Variants in SH3D19 observed in about 807,000 individuals in gnomAD.
SH3D19 encodes SH3 domain-containing protein 19.
SH3D19 carries 58 observed loss-of-function variants against 112.1 expected under a neutral mutation model. The ratio of observed to expected loss-of-function variants is 0.52; its 90% CI spans 0.42 to 0.64. The LOEUF (loss-of-function observed/expected upper bound fraction) is 0.64, where lower values mean the gene tolerates loss of function less well. SH3D19 is among the 30% of genes least tolerant of loss of function. The pLI, the probability that SH3D19 is intolerant of heterozygous loss-of-function variation, is 0.00. For missense variants in SH3D19, 1,090 were observed against 1,263.4 expected, an observed-to-expected ratio of 0.86 and a Z score of 2.08; for synonymous variants, 391 against 448.5, an observed-to-expected ratio of 0.87 and a Z score of 1.62.
At chr4:151,230,225 A>G (rs1769504974) in intron 1 of SH3D19, among the ~76,000 whole-genome samples, 1 of 152,214 alleles carries the variant, frequency 6.6e-6, no homozygotes, top group African/African-American at 2.4e-5. Flanking sequence ...TCTGGCACAG[A>G]CAGTTTTTGG....
At chr4:151,318,211 G>A (rs1730186289) in intron 1 of SH3D19, among the ~76,000 whole-genome samples, 1 of 144,486 alleles carries the variant, frequency 6.9e-6, no homozygotes, top group Non-Finnish European at 1.5e-5. Flanking sequence ...CGAGGCAGGA[G>A]AATTGCTTGA....
In SH3D19 at chr4:151,293,448, G is replaced by A. The variant is rs191227802; in HGVS notation, c.112+31793C>T. 7.7e-3 allele frequency among the ~76,000 whole-genome samples: 1,176 copies of A among 151,782 alleles called. 16 individuals are homozygous for A. The highest frequency in any genetic ancestry group is 0.027 in the African/African-American group (1,128 of 41,252). On this transcript the variant is annotated intron_variant, in intron 1 of 19. Transcript: ENST00000604030. ...AGATTGCGCCACTGCACTCCAGCCT[G>A]GGCGACAGAGCAAGACTCCGTCTCC... is the stretch of plus-strand genomic sequence containing the variant.
intron 1 of SH3D19, among the ~76,000 whole-genome samples, chr4:151,257,914 T>TA (rs796402888): frequency 6.6e-6 from 1 of 151,856 alleles, no homozygotes; most frequent in African/African-American, 2.4e-5. Context: ...TGTCTAAAAA[T>TA]AAAAAAAGCA....
chr4:151,265,549 A>G (rs138429864), intron 1 of SH3D19, among the ~76,000 whole-genome samples: 2 of 141,954 alleles, frequency 1.4e-5, no homozygotes, highest in African/African-American at 2.6e-5. Context: ...ATTAATCCTT[A>G]TATTTATTTT....
chr4:151,207,275 C>T (rs1561342521), intron 2 of SH3D19, among the ~76,000 whole-genome samples: 1 of 152,154 alleles, frequency 6.6e-6, no homozygotes, highest in Non-Finnish European at 1.5e-5. Context: ...ACAAGAGGAA[C>T]AATTACAGGA....
Position 151,137,843 on chromosome 4 carries a change from G to C in SH3D19, c.2316C>G (p.Asn772Lys), listed in dbSNP as rs1161962559. ...DFPAEQVDDL[N>K]LTSGEIVYLL... Reference sequence around the variant, plus strand: ...GATAAACAATTTCTCCAGAAGTGAGGTTCAAATCATCAACTTGCTCTGTAA... The same window carrying C: ...GATAAACAATTTCTCCAGAAGTGAGCTTCAAATCATCAACTTGCTCTGTAA... Residue 772 changes from asparagine to lysine, a missense_variant, in exon 14 of 20, where the codon AAC becomes AAG. Asn to Lys is a moderately conservative substitution (Grantham distance 94). Transcript: ENST00000604030. 1 of 1,606,504 alleles carries C rather than the reference G, an allele frequency of 6.2e-7. No homozygotes were observed. Among genetic ancestry groups the C allele is most frequent in the Admixed American group, 1.7e-5 (1 of 58,234 alleles).
At chr4:151,255,435 C>T (rs571233406) in intron 1 of SH3D19, among the ~76,000 whole-genome samples, 3 of 151,662 alleles carry the variant, frequency 2.0e-5, no homozygotes, top group East Asian at 2.0e-4. Flanking sequence ...GATGGGCGGC[C>T]GGGCAGAGAC....
At chr4:151,132,456 A>C in intron 16 of SH3D19, 73 bp from the exon 17 acceptor site, 1 of 1,383,436 alleles carries the variant, frequency 7.2e-7, no homozygotes, top group Non-Finnish European at 1.0e-6. Context: ...TTAAAAACAA[A>C]TGGTTGAGGT....
intron 1 of SH3D19, among the ~76,000 whole-genome samples, chr4:151,272,461 T>C (rs1195183327): frequency 2.0e-5 from 3 of 152,174 alleles, no homozygotes; most frequent in Non-Finnish European, 4.4e-5. Flanking sequence ...TCTTTAGGAA[T>C]AGATATTTTC....
At position 151,159,268 on chromosome 4, in the gene SH3D19, A is replaced by G; in HGVS notation, c.1727T>C (p.Leu576Pro). 6.4e-7 allele frequency: 1 copy of G among 1,554,252 alleles called. No homozygotes were observed. The highest frequency in any genetic ancestry group is 1.3e-5 in the South Asian group (1 of 77,476). ...GNTFSTVSGK[L>P]SNVERTRNLE... ...GTTTCTAGTTCTCTCAACATTACTG[A>G]GCTTTCCAGATACTGTACTGAAAGT... The change falls in exon 9 of 20, where the codon CTC (leucine) becomes CCC (proline). Residue 576 changes from leucine to proline, a missense_variant. Physicochemically the swap from Leu to Pro is moderately conservative, Grantham distance 98. Transcript: ENST00000604030.
intron 1 of SH3D19, among the ~76,000 whole-genome samples, chr4:151,276,587 C>T (rs916789940): frequency 6.6e-6 from 1 of 152,118 alleles, no homozygotes; most frequent in Non-Finnish European, 1.5e-5. Flanking sequence ...CTGTTGCAAA[C>T]GCATCACAGT....
chr4:151,303,006 TA>T (rs1702613931), intron 1 of SH3D19, among the ~76,000 whole-genome samples: 1 of 152,048 alleles, frequency 6.6e-6, no homozygotes, highest in Non-Finnish European at 1.5e-5. Flanking sequence ...CCCCAGAACT[TA>T]AAGTATAAGA....
intron 1 of SH3D19, among the ~76,000 whole-genome samples, chr4:151,323,047 TCTTGA>T (rs1730708071): frequency 6.6e-6 from 1 of 152,196 alleles, no homozygotes; most frequent in East Asian, 1.9e-4. Flanking sequence ...ATATCCTATT[TCTTGA>T]CTTGAGCATG....
At chr4:151,154,467 A>G (rs564220666) in intron 9 of SH3D19, among the ~76,000 whole-genome samples, 10 of 151,246 alleles carry the variant, frequency 6.6e-5, no homozygotes, top group African/African-American at 2.2e-4. Flanking sequence ...TTTAGTAGAG[A>G]TGGGGTTTCA....
chr4:151,159,397 G>T, intron 8 of SH3D19, 45 bp from the exon 9 acceptor site: 1 of 1,146,102 alleles, frequency 8.7e-7, no homozygotes, highest in Non-Finnish European at 1.3e-6. Context: ...TAGTTTCTGG[G>T]ATTCCAAAGA....
Position 151,122,129 on chromosome 4 carries a change from A to C in SH3D19, c.3106T>G (p.Phe1036Val), listed in dbSNP as rs771943205. 46 of 1,609,488 alleles carry C rather than the reference A, an allele frequency of 2.9e-5. No individual in the cohort carries two copies. The highest frequency in any genetic ancestry group is 3.6e-5 in the Non-Finnish European group (42 of 1,176,230). The change falls in exon 20 of 20, where the codon TTT becomes GTT. Residue 1036 changes from phenylalanine to valine, a missense_variant. Transcript: ENST00000604030. ...AGAAACTGTATGTAGTTTTTGGGAA[A>C]TATTCCAGATTTTCCCATAAGTTCT... is the stretch of plus-strand genomic sequence containing the variant. ...SGELMGKSGIFPKNYIQFLQI... is the reference protein window; with the variant it reads ...SGELMGKSGIVPKNYIQFLQI...
At chr4:151,229,206 T>C (rs746686303) in intron 1 of SH3D19, among the ~76,000 whole-genome samples, 1 of 152,110 alleles carries the variant, frequency 6.6e-6, no homozygotes, top group Non-Finnish European at 1.5e-5. Flanking sequence ...TCAAATTAAT[T>C]GGGGGAGAAT....
intron 9 of SH3D19, among the ~76,000 whole-genome samples, chr4:151,151,133 G>A (rs746518772): frequency 6.6e-6 from 1 of 151,816 alleles, no homozygotes; most frequent in Non-Finnish European, 1.5e-5. Context: ...GCTAATTTTC[G>A]TATTTTCAGT....
chr4:151,199,710 G>A (rs1459200646), intron 2 of SH3D19, among the ~76,000 whole-genome samples: 1 of 152,156 alleles, frequency 6.6e-6, no homozygotes, highest in Non-Finnish European at 1.5e-5. Flanking sequence ...GGCCCAAAGT[G>A]CAGACCGTGC....
Sources: allele counts gnomAD v4.1 joint callset (sites outside exome capture counted in the v4.1 genomes callset), GRCh38; gene constraint gnomAD v4.1.1; transcripts MANE v1.5; gene names NCBI Gene and HGNC (gene_info 2026-07-23, HGNC 2026-07-21).